The following GLI3 variants were observed in gnomAD, a reference collection of about 807,000 sequenced individuals.
GLI3 encodes the protein transcription activator GLI3.
Under a neutral mutation model 100.8 loss-of-function variants are expected in GLI3, and 20 were observed. The observed-to-expected ratio is 0.20, with a 90% CI of 0.14 to 0.29. The LOEUF is 0.29. GLI3 is among the 10% of genes least tolerant of loss of function. The pLI, the probability that GLI3 is intolerant of heterozygous loss-of-function variation, is 1.00. For missense variants in GLI3, 2,040 were observed against 2,128.5 expected, an observed-to-expected ratio of 0.96 and a Z score of 0.82; for synonymous variants, 938 against 860.5, an observed-to-expected ratio of 1.09 and a Z score of -1.58.
intron 10 of GLI3, among the ~76,000 whole-genome samples, chr7:42,002,750 C>A (rs1788340784): frequency 6.6e-6 from 1 of 152,174 alleles, no homozygotes; most frequent in Non-Finnish European, 1.5e-5. Context: ...TATAAGAAAT[C>A]ATAGCATACT....
chr7:42,248,473 C>A (rs541863750), intron 1 of GLI3, among the ~76,000 whole-genome samples: 1 of 152,308 alleles, frequency 6.6e-6, no homozygotes, highest in South Asian at 2.1e-4. Flanking sequence ...TGGGGATTAT[C>A]TTGTCCAGTC....
At chr7:42,142,954 A>AAG (rs1786608503) in intron 3 of GLI3, among the ~76,000 whole-genome samples, 1 of 151,408 alleles carries the variant, frequency 6.6e-6, no homozygotes, top group African/African-American at 2.4e-5. Context: ...AAAAAAAAAA[A>AAG]AAGGCTATGT....
chr7:41,990,863 C>A (rs1787966310), intron 10 of GLI3, among the ~76,000 whole-genome samples: 1 of 138,890 alleles, frequency 7.2e-6, no homozygotes, highest in African/African-American at 3.0e-5. Context: ...TAGATTAAGG[C>A]AAGTGTGTGT....
chr7:42,110,388 G>A (rs1785678251), intron 3 of GLI3, among the ~76,000 whole-genome samples: 1 of 152,136 alleles, frequency 6.6e-6, no homozygotes, highest in Non-Finnish European at 1.5e-5. Flanking sequence ...GATACTGATT[G>A]GTTGGATGCC....
At chr7:42,184,922 C>T (rs1787689178) in intron 2 of GLI3, among the ~76,000 whole-genome samples, 1 of 152,192 alleles carries the variant, frequency 6.6e-6, no homozygotes, top group African/African-American at 2.4e-5. Context: ...CTCCTTCCTG[C>T]TCCTCCCCTC....
intron 2 of GLI3, among the ~76,000 whole-genome samples, chr7:42,207,846 C>A (rs1788186137): frequency 6.6e-6 from 1 of 152,148 alleles, no homozygotes; most frequent in African/African-American, 2.4e-5. Context: ...TCCCAATGAG[C>A]AAGTATTCCT....
At chr7:41,976,885 A>T (rs1249712919) in intron 12 of GLI3, among the ~76,000 whole-genome samples, 2 of 152,206 alleles carry the variant, frequency 1.3e-5, no homozygotes, top group Non-Finnish European at 2.9e-5. Flanking sequence ...TTTTATTCTT[A>T]TGCCTCTCTA....
At chr7:42,047,562 T>C (rs140164183) in intron 5 of GLI3, among the ~76,000 whole-genome samples, 1 of 152,356 alleles carries the variant, frequency 6.6e-6, no homozygotes, top group Non-Finnish European at 1.5e-5. Flanking sequence ...CAGTGATTAT[T>C]GGGCAAGTGA....
intron 3 of GLI3, among the ~76,000 whole-genome samples, chr7:42,082,978 A>G (rs1785028342): frequency 1.3e-5 from 2 of 152,336 alleles, no homozygotes; most frequent in Admixed American, 1.3e-4. Context: ...GGCATGCAAC[A>G]CATAACAAGC....
chr7:42,166,765 T>C (rs193265250), intron 2 of GLI3, among the ~76,000 whole-genome samples: 11 of 148,340 alleles, frequency 7.4e-5, no homozygotes, highest in Admixed American at 6.1e-4. Flanking sequence ...GTTCGAGCAA[T>C]TCTCCCACCT....
At chr7:41,994,241 T>C (rs983451424) in intron 10 of GLI3, among the ~76,000 whole-genome samples, 2 of 152,230 alleles carry the variant, frequency 1.3e-5, no homozygotes, top group African/African-American at 2.4e-5. Context: ...TTTGGGCCCC[T>C]AGCTATTGTT....
intron 5 of GLI3, 80 bp downstream of exon 5, chr7:42,048,411 G>T (rs1784288319): frequency 1.1e-6 from 1 of 940,998 alleles, no homozygotes; most frequent in Non-Finnish European, 1.8e-6. Flanking sequence ...TAAACATCAG[G>T]TCTACTTTAT....
At chr7:42,097,098 G>A (rs1785356960) in intron 3 of GLI3, among the ~76,000 whole-genome samples, 1 of 152,204 alleles carries the variant, frequency 6.6e-6, no homozygotes, top group African/African-American at 2.4e-5. Flanking sequence ...AGAGGGAAAG[G>A]AGACAGACAG....
At position 42,204,834 on chromosome 7, in the gene GLI3, T is replaced by A. The variant is rs1457418309; in HGVS notation, c.124+18296A>T. On this transcript the variant is annotated intron_variant, in intron 2 of 14. Transcript: ENST00000395925. The stretch of plus-strand genomic sequence containing the variant: ...GAAAAGTTCTATTGTATGCACGACT[T>A]CCCCGAGACTCTCCTTCGGGAAAGG... 2.0e-5 allele frequency among the ~76,000 whole-genome samples: 3 copies of A among 152,236 alleles called. No homozygotes were observed. In the East Asian group the frequency reaches 5.8e-4, roughly 29 times the overall value.
At chr7:42,065,673 G>A (rs1013296446) in intron 4 of GLI3, among the ~76,000 whole-genome samples, 1 of 152,094 alleles carries the variant, frequency 6.6e-6, no homozygotes, top group African/African-American at 2.4e-5. Flanking sequence ...TCCATTTTAT[G>A]CAAATTATGA....
chr7:42,001,824 T>C (rs7793187), intron 10 of GLI3, among the ~76,000 whole-genome samples: 1,531 of 152,226 alleles, frequency 0.01, 23 homozygotes, highest in African/African-American at 0.028. Flanking sequence ...CATTAATTGA[T>C]AAAAGCAGAA....
intron 10 of GLI3, among the ~76,000 whole-genome samples, chr7:42,012,043 GT>G (rs1411769976): frequency 2.0e-5 from 3 of 152,034 alleles, no homozygotes; most frequent in African/African-American, 7.2e-5. Flanking sequence ...CTCACCGCTC[GT>G]GCCTCTGAGC....
intron 3 of GLI3, among the ~76,000 whole-genome samples, chr7:42,117,375 C>T (rs1013862859): frequency 6.6e-6 from 1 of 152,198 alleles, no homozygotes; most frequent in Non-Finnish European, 1.5e-5. Flanking sequence ...TGTCACCTGT[C>T]TGACAGGTAG....
At chr7:42,082,372 CT>C (rs1785014002) in intron 3 of GLI3, among the ~76,000 whole-genome samples, 1 of 152,136 alleles carries the variant, frequency 6.6e-6, no homozygotes, top group South Asian at 2.1e-4. Flanking sequence ...CTCAGACAAC[CT>C]TGCAATTCCT....
Sources: allele counts gnomAD v4.1 joint callset (sites outside exome capture counted in the v4.1 genomes callset), GRCh38; gene constraint gnomAD v4.1.1; transcripts MANE v1.5; gene names NCBI Gene and HGNC (gene_info 2026-07-23, HGNC 2026-07-21).